The following AGBL4 variants were observed in gnomAD, a reference collection of about 807,000 sequenced individuals.
The protein encoded by AGBL4 is AGBL carboxypeptidase 4.
A neutral mutation model predicts 66.4 loss-of-function variants in AGBL4; 58 were observed. The observed-to-expected ratio is 0.87, with a 90% CI of 0.71 to 1.09. The LOEUF is 1.09. Ranked by LOEUF, AGBL4 falls within the 50% of genes least tolerant of loss-of-function variation. The pLI is 0.00. For missense variants in AGBL4, 579 were observed against 631.0 expected, an observed-to-expected ratio of 0.92 and a Z score of 0.88; for synonymous variants, 234 against 222.9, an observed-to-expected ratio of 1.05 and a Z score of -0.44.
chr1:48,569,431 T>C (rs1217445106), intron 11 of AGBL4, among the ~76,000 whole-genome samples: 2 of 152,200 alleles, frequency 1.3e-5, no homozygotes, highest in East Asian at 3.9e-4. Flanking sequence ...AAAATGGAGT[T>C]ACTGAGTTAC....
intron 1 of AGBL4, among the ~76,000 whole-genome samples, chr1:49,983,690 A>C (rs1036970320): frequency 2.6e-5 from 4 of 152,274 alleles, no homozygotes; most frequent in African/African-American, 9.6e-5. Flanking sequence ...AGTACTTTGA[A>C]TACATCTACT....
At chr1:49,720,661 G>C (rs1232701794) in intron 2 of AGBL4, among the ~76,000 whole-genome samples, 1 of 152,142 alleles carries the variant, frequency 6.6e-6, no homozygotes, top group Non-Finnish European at 1.5e-5. Flanking sequence ...CAAATTCATA[G>C]AGTTGTTGTA....
intron 3 of AGBL4, among the ~76,000 whole-genome samples, chr1:49,628,665 G>A (rs1645510967): frequency 6.6e-6 from 1 of 152,126 alleles, no homozygotes; most frequent in Non-Finnish European, 1.5e-5. Flanking sequence ...TGTCACTGAA[G>A]TAATGGATCA....
At chr1:49,154,294 A>G (rs1646390510) in intron 4 of AGBL4, among the ~76,000 whole-genome samples, 1 of 151,670 alleles carries the variant, frequency 6.6e-6, no homozygotes, top group Admixed American at 6.6e-5. Flanking sequence ...AAGTAACAGT[A>G]CCTGCTTTAC....
At chr1:49,918,714 G>C (rs573027061) in intron 1 of AGBL4, among the ~76,000 whole-genome samples, 1 of 152,146 alleles carries the variant, frequency 6.6e-6, no homozygotes, top group Non-Finnish European at 1.5e-5. Flanking sequence ...GAAAAAGAGG[G>C]AATACTCCCT....
In AGBL4 at chr1:48,891,916, A is replaced by G. The variant is rs189432659; in HGVS notation, c.595-24686T>C. Among the ~76,000 whole-genome samples the G allele has an allele frequency of 3.3e-5, 5 of 152,274 alleles. No homozygotes were observed. In the East Asian group the frequency reaches 9.6e-4, roughly 29 times the overall value. On this transcript the variant is annotated intron_variant, in intron 5 of 13. Transcript: ENST00000371839. The stretch of plus-strand genomic sequence containing the variant: ...CTAGGAATTAATAGCTTATGTTCTA[A>G]TAAAGGGAAGAGCAGAAATAAAAAT...
chr1:49,149,379 C>T (rs907162782), intron 4 of AGBL4, among the ~76,000 whole-genome samples: 2 of 152,186 alleles, frequency 1.3e-5, no homozygotes, highest in Non-Finnish European at 2.9e-5. Context: ...ACTTTCCTTG[C>T]ACAAACAGAA....
intron 9 of AGBL4, among the ~76,000 whole-genome samples, chr1:48,602,372 T>C (rs1484768169): frequency 6.6e-6 from 1 of 152,186 alleles, no homozygotes; most frequent in Non-Finnish European, 1.5e-5. Flanking sequence ...GAGTCTTATA[T>C]CCTTCCAAAA....
At chr1:49,839,034 A>G (rs1267194795) in intron 2 of AGBL4, among the ~76,000 whole-genome samples, 1 of 152,210 alleles carries the variant, frequency 6.6e-6, no homozygotes, top group Non-Finnish European at 1.5e-5. Context: ...TATTTCTTCA[A>G]TTGTGCTTTC....
chr1:49,349,570 TG>T, intron 3 of AGBL4, among the ~76,000 whole-genome samples: 2 of 152,300 alleles, frequency 1.3e-5, no homozygotes, highest in South Asian at 4.1e-4. Flanking sequence ...TATATATATT[TG>T]TTGACACTAT....
At chr1:49,865,605 T>A (rs1210271569) in intron 1 of AGBL4, among the ~76,000 whole-genome samples, 1 of 152,010 alleles carries the variant, frequency 6.6e-6, no homozygotes. Flanking sequence ...TCCAAAGTCA[T>A]CATCCTCAAA....
chr1:49,639,690 T>G (rs79154064), intron 3 of AGBL4, among the ~76,000 whole-genome samples: 2 of 152,286 alleles, frequency 1.3e-5, no homozygotes. Context: ...AGCCTCTGCA[T>G]TCACAGTGTA....
chr1:48,840,895 CA>C (rs1646781466), intron 6 of AGBL4, among the ~76,000 whole-genome samples: 1 of 152,118 alleles, frequency 6.6e-6, no homozygotes, highest in African/African-American at 2.4e-5. Flanking sequence ...AACTGTGGCA[CA>C]TCTATACAAT....
chr1:48,614,535 G>A (rs1243899509), intron 9 of AGBL4, among the ~76,000 whole-genome samples: 2 of 152,214 alleles, frequency 1.3e-5, no homozygotes, highest in Non-Finnish European at 2.9e-5. Context: ...GGATAATCTA[G>A]AGAAGGTGCC....
intron 4 of AGBL4, among the ~76,000 whole-genome samples, chr1:49,172,730 T>C (rs1351646702): frequency 8.5e-5 from 13 of 152,164 alleles, no homozygotes; most frequent in Non-Finnish European, 1.8e-4. Flanking sequence ...AAGTTCGTTG[T>C]TGGGTTCTGA....
intron 2 of AGBL4, among the ~76,000 whole-genome samples, chr1:49,741,077 T>TA (rs140051736): frequency 0.42 from 64,376 of 151,708 alleles, 16,178 homozygotes; most frequent in Non-Finnish European, 0.57. Flanking sequence ...GATAGAGACA[T>TA]AAAAAAACCC....
chr1:48,626,820 C>T (rs1645510863), intron 9 of AGBL4, among the ~76,000 whole-genome samples: 1 of 152,214 alleles, frequency 6.6e-6, no homozygotes, highest in African/African-American at 2.4e-5. Flanking sequence ...TGGGGACCCA[C>T]AGTCCAGTTC....
chr1:49,447,990 T>C (rs1646196540), intron 3 of AGBL4, among the ~76,000 whole-genome samples: 1 of 152,008 alleles, frequency 6.6e-6, no homozygotes, highest in African/African-American at 2.4e-5. Flanking sequence ...CATTCCACCA[T>C]TGGGAGGGAG....
chr1:48,799,926 C>T (rs1383886852), intron 6 of AGBL4, among the ~76,000 whole-genome samples: 3 of 152,122 alleles, frequency 2.0e-5, no homozygotes, highest in Non-Finnish European at 4.4e-5. Flanking sequence ...ATTTTTCCAT[C>T]TATGTTCATC....
Sources: gnomAD v4.1 joint callset for allele counts (sites outside exome capture counted in the v4.1 genomes callset) on GRCh38, gnomAD v4.1.1 for gene constraint, MANE v1.5 for transcripts, NCBI Gene and HGNC (gene_info 2026-07-23, HGNC 2026-07-21) for gene names.